ECI1: variants seen among roughly 807,000 people sequenced by gnomAD.
The protein encoded by ECI1 is enoyl-CoA delta isomerase 1, mitochondrial.
A neutral mutation model predicts 34.2 loss-of-function variants in ECI1; 34 were observed. That is an observed-to-expected ratio of 1.00 (90% CI 0.76 to 1.33). ECI1 has a LOEUF of 1.33. Among genes scored for constraint, ECI1 ranks in the 40% most tolerant of loss-of-function variants. The pLI, the probability that ECI1 is intolerant of heterozygous loss-of-function variation, is 0.00. For missense variants in ECI1, 456 were observed against 422.2 expected (o/e 1.08, Z -0.70); for synonymous variants, 211 against 193.0 (o/e 1.09, Z -0.77).
intron 6 of ECI1, chr16:2,242,434 T>C (rs534363092): frequency 1.3e-5 from 2 of 157,036 alleles, no homozygotes; most frequent in East Asian, 3.8e-4. Flanking sequence ...TGGGCCCTGG[T>C]CTATACCATC....
chr16:2,251,437 G>A lies in ECI1; in HGVS notation c.53-8C>T, dbSNP rs2141515089. The A allele has an allele frequency of 5.5e-6, 8 of 1,457,930 alleles. No individual in the cohort carries two copies. Among genetic ancestry groups the A allele is most frequent in the Non-Finnish European group, 5.4e-6 (6 of 1,102,806 alleles). 90.3% of individuals were successfully genotyped at this position (1,457,930 alleles called of 1,614,324 possible). A position where few individuals can be genotyped will look rare whatever the true frequency, so the allele number is the denominator to read the frequency against. The stretch of plus-strand genomic sequence containing the variant: ...CGCCCGGGAGCCGGGCCCCTGCGAA[G>A]GCAGCGTGGGGGAGCCCGTTAGTTC... On this transcript the variant is annotated splice_polypyrimidine_tract_variant and splice_region_variant and intron_variant, in intron 1 of 6. Coordinates refer to ENST00000301729, the MANE Select transcript of ECI1 (RefSeq NM_001919.4).
intron 2 of ECI1, 128 bp downstream of exon 2, chr16:2,251,188 G>C (rs2093552467): frequency 6.4e-6 from 2 of 310,496 alleles, no homozygotes; most frequent in Admixed American, 1.1e-4. Flanking sequence ...GCAAGGTTCT[G>C]TTTCGAAACT....
intron 4 of ECI1, among the ~76,000 whole-genome samples, chr16:2,243,791 C>A (rs2093533837): frequency 6.6e-6 from 1 of 152,210 alleles, no homozygotes; most frequent in African/African-American, 2.4e-5. Context: ...TTAGTCATAA[C>A]TGTCATGCCC....
Position 2,246,150 on chromosome 16 carries a change from T to C in ECI1, c.294+709A>G, listed in dbSNP as rs370879532. Reference sequence around the variant, plus strand: ...CCCATCCTCCTGGGCCTGACACTGCTTACTGCCCCTCGGCGATGTTGGTAA... The same window carrying C: ...CCCATCCTCCTGGGCCTGACACTGCCTACTGCCCCTCGGCGATGTTGGTAA... On this transcript the variant is annotated intron_variant, in intron 3 of 6. Transcript: ENST00000301729. Among the ~76,000 whole-genome samples, 328 of 152,276 alleles carry C rather than the reference T, an allele frequency of 2.2e-3. 12 individuals are homozygous for C. In the South Asian group the frequency reaches 0.064, roughly 30 times the overall value.
chr16:2,249,730 T>C (rs2093548355), intron 2 of ECI1, among the ~76,000 whole-genome samples: 1 of 142,226 alleles, frequency 7.0e-6, no homozygotes, highest in African/African-American at 2.5e-5. Context: ...AAAAAAAAAT[T>C]AGCCGGGCGT....
intron 2 of ECI1, among the ~76,000 whole-genome samples, chr16:2,249,699 G>A (rs555351706): frequency 7.4e-5 from 11 of 148,128 alleles, no homozygotes; most frequent in East Asian, 4.0e-4. Context: ...GTGAAACCCC[G>A]TCTCCACTAA....
intron 2 of ECI1, among the ~76,000 whole-genome samples, chr16:2,250,576 C>G (rs924229132): frequency 2.0e-5 from 3 of 152,182 alleles, no homozygotes; most frequent in East Asian, 3.9e-4. Flanking sequence ...GGCGCCTAGG[C>G]GTGCCCTCTC....
At chr16:2,245,394 C>T (rs746620916) in intron 3 of ECI1, among the ~76,000 whole-genome samples, 11 of 152,188 alleles carry the variant, frequency 7.2e-5, no homozygotes, top group African/African-American at 1.2e-4. Context: ...CTAATGTGTG[C>T]GAGGAGGAGG....
chr16:2,246,863 G>C lies in ECI1; in HGVS notation c.290C>G (p.Thr97Ser). The change falls in exon 3 of 7, where the codon ACC (threonine) becomes AGC (serine). Residue 97 changes from threonine (T) to serine (S), a missense_variant. Coordinates refer to ENST00000301729, the MANE Select transcript of ECI1 (RefSeq NM_001919.4). The part of the protein sequence containing the change: ...NDKSFRGVIL[T>S]SDRPGVFSAG... ...GGGAGCTGAACTAGCACCTACCGAG[G>C]TCAGAATGACACCGCGGAAGCTCTT... The C allele has an allele frequency of 6.2e-7, 1 of 1,612,680 alleles. No homozygotes were observed. The highest frequency in any genetic ancestry group is 8.5e-7 in the Non-Finnish European group (1 of 1,180,020).
chr16:2,247,899 AGGTCT>A (rs2093543995), intron 2 of ECI1, among the ~76,000 whole-genome samples: 2 of 151,290 alleles, frequency 1.3e-5, no homozygotes, highest in Non-Finnish European at 2.9e-5. Context: ...AGTACAGACG[AGGTCT>A]TATTTTGTTG....
rs1438331331 is a variant in ECI1 at position 2,239,545 on chromosome 16, A to G, written c.*434T>C. 3.4e-6 allele frequency: 1 copy of G among 290,526 alleles called. No individual in the cohort carries two copies. The highest frequency in any genetic ancestry group is 6.7e-6 in the Non-Finnish European group (1 of 148,396). 18.0% of individuals were successfully genotyped at this position (290,526 alleles called of 1,614,324 possible). A position where few individuals can be genotyped will look rare whatever the true frequency, so the allele number is the denominator to read the frequency against. ...CTGTGCGCTCTTCATCCTGATGAGT[A>G]AGGGCAGTGACCAAAGGGCTTTTCC... is the stretch of plus-strand genomic sequence containing the variant. On this transcript the variant is annotated 3_prime_UTR_variant, in exon 7 of 7. Transcript: ENST00000301729.
At position 2,246,889 on chromosome 16, in the gene ECI1, G is replaced by C. The variant is rs2093541582; in HGVS notation, c.264C>G (p.Asp88Glu). 6.2e-7 allele frequency: 1 copy of C among 1,613,480 alleles called. No individual in the cohort carries two copies. The highest frequency in any genetic ancestry group is 2.2e-5 in the East Asian group (1 of 44,894). Residue 88 changes from aspartate (D) to glutamate (E), a missense_variant, in exon 3 of 7, where the codon GAC (aspartate) becomes GAG (glutamate). Coordinates refer to ENST00000301729, the MANE Select transcript of ECI1 (RefSeq NM_001919.4). ...LVISLEKLEN[D>E]KSFRGVILTS... ...TCAGAATGACACCGCGGAAGCTCTT[G>C]TCATTCTCCAGCTTCTCCAGGCTGA...
Position 2,243,359 on chromosome 16 carries a change from T to TA in ECI1, c.521dup (p.Gly175ArgfsTer4). ...TGCCCAGCTGGGTCTCATTGAGTCCTATGCAGTACCTGGGGTTGTCCGCCA... is the reference window on the plus strand; with the variant it reads ...TGCCCAGCTGGGTCTCATTGAGTCCTAATGCAGTACCTGGGGTTGTCCGCCA... On this transcript the variant is annotated frameshift_variant, in exon 5 of 7. Transcript: ENST00000301729. LOFTEE classifies it high-confidence loss of function. 6.2e-7 allele frequency: 1 copy of TA among 1,613,782 alleles called. No homozygotes were observed. The highest frequency in any genetic ancestry group is 1.1e-5 in the South Asian group (1 of 91,086).
Position 2,243,793 on chromosome 16 carries a change from G to A in ECI1, c.442-354C>T, listed in dbSNP as rs377476625. Among the ~76,000 whole-genome samples the A allele has an allele frequency of 5.8e-4, 89 of 152,334 alleles. 2 individuals are homozygous for A. The South Asian group carries it at 6.8e-3, about 12-fold the overall frequency. ...GCCACACAAGCATTTAGTCATAACT[G>A]TCATGCCCCAAGGGGGCCCCGATAC... On this transcript the variant is annotated intron_variant, in intron 4 of 6. Transcript: ENST00000301729.
At position 2,243,408 on chromosome 16, in the gene ECI1, GC is replaced by G. The variant is rs756297437; in HGVS notation, c.472del (p.Ala158ProfsTer2). On this transcript the variant is annotated frameshift_variant, in exon 5 of 7. Coordinates refer to ENST00000301729, the MANE Select transcript of ECI1 (RefSeq NM_001919.4). LOFTEE classifies it high-confidence loss of function. ...GACPAGGCLVALTCDYRILAD... is the reference protein window; with the variant it reads ...GACPAGGCLVXLTCDYRILAD... ...CAGGATGCGGTAGTCACAGGTCAGG[GC>G]CACCAGGCAGCCTCCAGCGGGGCAG... The G allele has an allele frequency of 1.2e-5, 20 of 1,613,302 alleles. No homozygotes were observed. The African/African-American group carries it at 2.0e-4, about 16-fold the overall frequency.
intron 2 of ECI1, among the ~76,000 whole-genome samples, chr16:2,250,320 C>G (rs1367553089): frequency 6.7e-6 from 1 of 149,604 alleles, no homozygotes; most frequent in African/African-American, 2.5e-5. Flanking sequence ...TTGTCCCTCT[C>G]AAGTTTGTAG....
At position 2,250,952 on chromosome 16, in the gene ECI1, T is replaced by C. The variant is rs192115258; in HGVS notation, c.166+364A>G. ...TTCTTCTGCCTCAGCCTCCCAGGCA[T>C]AGGCACGCACCACCACGCCCAGCTA... is the stretch of plus-strand genomic sequence containing the variant. On this transcript the variant is annotated intron_variant, in intron 2 of 6. Transcript: ENST00000301729. Among the ~76,000 whole-genome samples, 594 of 152,198 alleles carry C rather than the reference T, an allele frequency of 3.9e-3. 5 individuals are homozygous for C. Among genetic ancestry groups the C allele is most frequent in the African/African-American group, 0.012 (480 of 41,534 alleles).
At position 2,247,768 on chromosome 16, in the gene ECI1, G is replaced by A. The variant is rs1194108357; in HGVS notation, c.167-782C>T. On this transcript the variant is annotated intron_variant, in intron 2 of 6. Coordinates refer to ENST00000301729, the MANE Select transcript of ECI1 (RefSeq NM_001919.4). ...CTCTATCACCTAGGAGTGCAGGGGT[G>A]TGATCTCTGGTTACTGCAGCTTTGA... 3.9e-5 allele frequency among the ~76,000 whole-genome samples: 6 copies of A among 152,178 alleles called. No individual in the cohort carries two copies. In the East Asian group the frequency reaches 7.7e-4, roughly 20 times the overall value.
intron 4 of ECI1, 148 bp from the exon 5 acceptor site, chr16:2,243,587 GTGTGCA>G: frequency 1.0e-6 from 1 of 965,412 alleles, no homozygotes; most frequent in Non-Finnish European, 1.6e-6. Context: ...GCTGGGCTGG[GTGTGCA>G]CTGGGAAATG....
Sources: gnomAD v4.1 joint callset for allele counts (sites outside exome capture counted in the v4.1 genomes callset) on GRCh38, gnomAD v4.1.1 for gene constraint, MANE v1.5 for transcripts, NCBI Gene and HGNC (gene_info 2026-07-23, HGNC 2026-07-21) for gene names.